The following FAM234B variants were observed in gnomAD, a reference collection of about 807,000 sequenced individuals.
FAM234B encodes the protein protein FAM234B.
A neutral mutation model predicts 69.3 loss-of-function variants in FAM234B; 33 were observed. The ratio of observed to expected loss-of-function variants is 0.48; its 90% CI spans 0.36 to 0.64. The LOEUF is 0.64. Ranked by LOEUF, FAM234B falls within the 30% of genes least tolerant of loss-of-function variation. The probability of loss-of-function intolerance (pLI) is 0.00; values close to 1 mark genes in which losing one functional copy is unlikely to be tolerated. For synonymous variants in FAM234B, 306 were observed against 306.9 expected (o/e 1.00, Z 0.03); for missense variants, 697 against 769.7 (o/e 0.91, Z 1.12).
chr12:13,073,232 C>T (rs1219460511), intron 10 of FAM234B, among the ~76,000 whole-genome samples: 2 of 151,582 alleles, frequency 1.3e-5, no homozygotes, highest in Non-Finnish European at 2.9e-5. Context: ...TGGGCTCAAG[C>T]TGTCATCCTG....
rs1864983562 is a variant in FAM234B at position 13,061,656 on chromosome 12, A to T, written c.614A>T (p.Glu205Val). Residue 205 changes from glutamate to valine, a missense_variant, in exon 4 of 13, where the codon GAG (glutamate) becomes GTG (valine). Coordinates refer to ENST00000197268, the MANE Select transcript of FAM234B (RefSeq NM_020853.2). ...STLWSSLLPE[E>V]ARDITCLELM... Reference sequence around the variant, plus strand: ...CTGTGGTCTAGTCTTCTCCCTGAGGAGGCTCGAGATATCACATGTTTGGAG... The same window carrying T: ...CTGTGGTCTAGTCTTCTCCCTGAGGTGGCTCGAGATATCACATGTTTGGAG... The T allele has an allele frequency of 2.5e-6, 4 of 1,614,030 alleles. No individual in the cohort carries two copies. The highest frequency in any genetic ancestry group is 8.5e-7 in the Non-Finnish European group (1 of 1,180,006).
At chr12:13,051,061 T>C (rs1392523989) in intron 1 of FAM234B, among the ~76,000 whole-genome samples, 1 of 152,250 alleles carries the variant, frequency 6.6e-6, no homozygotes, top group African/African-American at 2.4e-5. Context: ...TTTATTTTTC[T>C]GTATTTGTTT....
At chr12:13,045,022 C>T (rs556806992) in intron 1 of FAM234B, among the ~76,000 whole-genome samples, 1 of 152,262 alleles carries the variant, frequency 6.6e-6, no homozygotes, top group Admixed American at 6.5e-5. Context: ...CCTTGAACGT[C>T]AGGGGTCTTT....
chr12:13,075,219 T>C (rs1223219760), intron 10 of FAM234B, among the ~76,000 whole-genome samples: 1 of 152,158 alleles, frequency 6.6e-6, no homozygotes, highest in African/African-American at 2.4e-5. Context: ...ATAAGATTTT[T>C]GTAATTTTTA....
intron 1 of FAM234B, among the ~76,000 whole-genome samples, chr12:13,050,491 A>G (rs1271839664): frequency 2.0e-5 from 3 of 152,234 alleles, no homozygotes; most frequent in African/African-American, 4.8e-5. Context: ...GTGGTGTTGA[A>G]TGGGGCTCAT....
At chr12:13,079,688 T>C in intron 11 of FAM234B, 101 bp from the exon 12 acceptor site, 3 of 738,622 alleles carry the variant, frequency 4.1e-6, no homozygotes, top group Non-Finnish European at 6.9e-6. Flanking sequence ...ATTTCCTGTA[T>C]GAACTTATGA....
chr12:13,057,229 C>T (rs546997657), intron 2 of FAM234B, among the ~76,000 whole-genome samples: 23 of 152,218 alleles, frequency 1.5e-4, no homozygotes, highest in African/African-American at 4.8e-4. Flanking sequence ...CCACCCACCT[C>T]GGCCTCCCAA....
chr12:13,055,063 C>T (rs1340748313), intron 1 of FAM234B, among the ~76,000 whole-genome samples: 1 of 152,158 alleles, frequency 6.6e-6, no homozygotes, highest in Non-Finnish European at 1.5e-5. Context: ...TCCATAGAAA[C>T]AGTTGGGAAG....
intron 1 of FAM234B, among the ~76,000 whole-genome samples, chr12:13,053,984 A>G (rs1864901869): frequency 6.6e-6 from 1 of 152,180 alleles, no homozygotes; most frequent in Non-Finnish European, 1.5e-5. Context: ...AAGAAGAAAA[A>G]TATGGCTCTA....
At position 13,062,992 on chromosome 12, in the gene FAM234B, A is replaced by G; in HGVS notation, c.852+17A>G. The G allele has an allele frequency of 6.2e-7, 1 of 1,612,978 alleles. No individual in the cohort carries two copies. Among genetic ancestry groups the G allele is most frequent in the Non-Finnish European group, 8.5e-7 (1 of 1,179,412 alleles). ...GAATTGCAGGTATGATCTCTATTAA[A>G]TGTTTTTTGTTTCTTATAGGGACTG... On this transcript the variant is annotated intron_variant, in intron 5 of 12. Transcript: ENST00000197268.
At chr12:13,075,626 T>C (rs1160161536) in intron 10 of FAM234B, among the ~76,000 whole-genome samples, 1 of 149,048 alleles carries the variant, frequency 6.7e-6, no homozygotes, top group East Asian at 2.0e-4. Context: ...TTTTTTTTTT[T>C]TGTATTTTCG....
rs767272168 is a variant in FAM234B at position 13,061,727 on chromosome 12, A to T, written c.685A>T (p.Thr229Ser). Residue 229 changes from threonine to serine, a missense_variant, in exon 4 of 13, where the codon ACA (threonine) becomes TCA (serine). By Grantham distance (58) the Thr-to-Ser change is moderately conservative. Coordinates refer to ENST00000197268, the MANE Select transcript of FAM234B (RefSeq NM_020853.2). ...LAETICLVTG[T>S]HKMLSAFNAT... ...TGAAACCATCTGCCTTGTGACAGGGACACACAAGATGCTCAGCGCATTCAA... is the reference window on the plus strand; with the variant it reads ...TGAAACCATCTGCCTTGTGACAGGGTCACACAAGATGCTCAGCGCATTCAA... The T allele has an allele frequency of 2.5e-6, 4 of 1,614,128 alleles. 1 individual carries two copies. In the South Asian group the frequency reaches 4.4e-5, roughly 18 times the overall value.
At chr12:13,062,773 T>G (rs1864997101) in intron 4 of FAM234B, 72 bp from the exon 5 acceptor site, 1 of 1,547,520 alleles carries the variant, frequency 6.5e-7, no homozygotes, top group Admixed American at 1.8e-5. Context: ...TTTTCTGGCC[T>G]GGGAACATGG....
At chr12:13,055,435 CT>C in intron 1 of FAM234B, 115 bp from the exon 2 acceptor site, 1 of 1,040,822 alleles carries the variant, frequency 9.6e-7, no homozygotes, top group East Asian at 2.5e-5. Context: ...TGATGTAAAC[CT>C]GGATTTTTTT....
intron 10 of FAM234B, among the ~76,000 whole-genome samples, chr12:13,072,457 C>T (rs1486911397): frequency 2.0e-5 from 3 of 152,004 alleles, no homozygotes; most frequent in African/African-American, 7.2e-5. Context: ...ATCGGCTGGG[C>T]GCAGTGGCTC....
At chr12:13,057,271 C>A (rs1864940283) in intron 2 of FAM234B, among the ~76,000 whole-genome samples, 2 of 152,136 alleles carry the variant, frequency 1.3e-5, no homozygotes, top group Admixed American at 1.3e-4. Context: ...AGCCACTGCA[C>A]CCAGCCTGTG....
intron 1 of FAM234B, among the ~76,000 whole-genome samples, chr12:13,045,950 T>TA: frequency 6.6e-6 from 1 of 152,336 alleles, no homozygotes; most frequent in South Asian, 2.1e-4. Context: ...TTTGTGTTCT[T>TA]ATGCCCCAAG....
chr12:13,046,751 G>T (rs556235275), intron 1 of FAM234B, among the ~76,000 whole-genome samples: 22 of 152,182 alleles, frequency 1.4e-4, no homozygotes, highest in South Asian at 4.2e-4. Context: ...GAGCCACTGC[G>T]TCTGGCCCCA....
intron 11 of FAM234B, among the ~76,000 whole-genome samples, chr12:13,078,830 A>G (rs1270577278): frequency 1.3e-5 from 2 of 152,148 alleles, no homozygotes; most frequent in African/African-American, 2.4e-5. Flanking sequence ...TCCAACTTAC[A>G]AGGGACATGA....
Sources: gnomAD v4.1 joint callset for allele counts (sites outside exome capture counted in the v4.1 genomes callset) on GRCh38, gnomAD v4.1.1 for gene constraint, MANE v1.5 for transcripts, NCBI Gene and HGNC (gene_info 2026-07-23, HGNC 2026-07-21) for gene names.